The following IGSF10 variants were observed in gnomAD, a reference collection of about 807,000 sequenced individuals.
IGSF10 encodes the protein immunoglobulin superfamily member 10.
In IGSF10, 126 loss-of-function variants were observed where a neutral mutation model predicts 128.2. The observed-to-expected ratio is 0.98, with a 90% confidence interval of 0.85 to 1.14. IGSF10 has a LOEUF of 1.14. IGSF10 is among the 50% of genes most tolerant of loss of function. The probability of loss-of-function intolerance (pLI) is 0.00; values close to 1 mark genes in which losing one functional copy is unlikely to be tolerated. For missense variants in IGSF10, 3,295 were observed against 3,149.8 expected (o/e 1.05, Z -1.10); for synonymous variants, 1,185 against 1,146.2 (o/e 1.03, Z -0.68).
At chr3:151,498,242 G>C in the IGSF10 span, among the ~76,000 whole-genome samples, 1 of 152,146 alleles carries the variant, frequency 6.6e-6, no homozygotes, top group Admixed American at 6.6e-5. Context: ...GGGCATCCCT[G>C]TCTTGTGCCA....
the IGSF10 span, among the ~76,000 whole-genome samples, chr3:151,518,099 C>G: frequency 6.6e-6 from 1 of 151,956 alleles, no homozygotes. Flanking sequence ...AAGCTGCCTA[C>G]TTATATATTT....
the IGSF10 span, among the ~76,000 whole-genome samples, chr3:151,524,292 G>A: frequency 2.9e-3 from 441 of 152,142 alleles, 1 homozygote; most frequent in Non-Finnish European, 5.3e-3. Flanking sequence ...ATACCCAGAG[G>A]GATATAAATT....
intron 5 of IGSF10, among the ~76,000 whole-genome samples, 167 bp from the exon 6 acceptor site, chr3:151,449,432 T>G: frequency 6.6e-6 from 1 of 152,258 alleles, no homozygotes; most frequent in East Asian, 1.9e-4. Flanking sequence ...TAAAAAGCTA[T>G]GTCTGTATAC....
At chr3:151,543,641 G>T in the IGSF10 span, among the ~76,000 whole-genome samples, 6 of 152,158 alleles carry the variant, frequency 3.9e-5, no homozygotes, top group African/African-American at 1.4e-4. Flanking sequence ...AAGCCCCTGT[G>T]CACAGTGTCA....
At chr3:151,615,706 T>C in the IGSF10 span, among the ~76,000 whole-genome samples, 29 of 152,184 alleles carry the variant, frequency 1.9e-4, no homozygotes, top group African/African-American at 6.3e-4. Flanking sequence ...AGATAAAAAT[T>C]ATGAGCTTTA....
chr3:151,565,761 A>G, the IGSF10 span: 1 of 152,100 alleles, frequency 6.6e-6, no homozygotes, highest in Admixed American at 6.6e-5. Flanking sequence ...TTTGAGAAAC[A>G]CTGTTCTAGT....
chr3:151,457,644 AATC>A lies in IGSF10; in HGVS notation c.195-492_195-490del, dbSNP rs531076073. Among the ~76,000 whole-genome samples the A allele has an allele frequency of 3.4e-4, 51 of 152,236 alleles. 2 individuals are homozygous for A. In the South Asian group the frequency reaches 0.01, roughly 31 times the overall value. ...AGAGTAGTGGTACAACCCTGGGTAA[AATC>A]AGCAGGCTTTCTGTGCCTCAGTTTC... On this transcript the variant is annotated intron_variant, in intron 3 of 7. Coordinates refer to ENST00000282466, the MANE Select transcript of IGSF10 (RefSeq NM_178822.5).
Position 151,443,478 on chromosome 3 carries a change from G to T in IGSF10, c.5469C>A (p.Ser1823Arg), listed in dbSNP as rs368075943. The change falls in exon 7 of 8, where the codon AGC becomes AGA. Residue 1823 changes from serine (S) to arginine (R), a missense_variant. Transcript: ENST00000282466. ...GCAGTGAATCCTGGCCACCTGGGTT[G>T]CTGGCCACACATTTGTAAAAGCCAC... Reference protein sequence around the residue: ...YDRGFYKCVASNPGGQDSLLV... With the variant: ...YDRGFYKCVARNPGGQDSLLV... 24 of 1,614,106 alleles carry T rather than the reference G, an allele frequency of 1.5e-5. No homozygotes were observed. Among genetic ancestry groups the T allele is most frequent in the Middle Eastern group, 1.6e-4 (1 of 6,084 alleles).
the IGSF10 span, among the ~76,000 whole-genome samples, chr3:151,543,506 C>A: frequency 6.6e-6 from 1 of 152,076 alleles, no homozygotes; most frequent in Non-Finnish European, 1.5e-5. Flanking sequence ...TGTGCCATGC[C>A]GTGCCATGCC....
the IGSF10 span, among the ~76,000 whole-genome samples, chr3:151,572,086 G>T: frequency 1.3e-5 from 2 of 152,208 alleles, no homozygotes; most frequent in African/African-American, 4.8e-5. Flanking sequence ...GATCGTGGTG[G>T]ATAAGCCTTT....
At chr3:151,596,136 G>T in the IGSF10 span, among the ~76,000 whole-genome samples, 1 of 152,086 alleles carries the variant, frequency 6.6e-6, no homozygotes, top group Non-Finnish European at 1.5e-5. Flanking sequence ...CATATGAATG[G>T]TTCAATGGGC....
the IGSF10 span, among the ~76,000 whole-genome samples, chr3:151,613,605 G>A: frequency 1.5e-4 from 23 of 151,828 alleles, no homozygotes; most frequent in African/African-American, 5.5e-4. Context: ...ATGGTGCTGG[G>A]AAAACTGGCT....
upstream of IGSF10, among the ~76,000 whole-genome samples, chr3:151,463,968 A>G (rs990402828): frequency 3.3e-5 from 5 of 152,230 alleles, no homozygotes; most frequent in Non-Finnish European, 7.3e-5. Context: ...ATAGATTCAT[A>G]TGGTTTACAA....
chr3:151,445,115 ATCAAAG>A lies in IGSF10; in HGVS notation c.4860_4865del (p.Phe1621_Asp1622del). ...TTGTTGCTTCTTGAACTGGTTTCTT[ATCAAAG>A]TCACTCTTCTTTGTGTTCTTCTGTC... On this transcript the variant is annotated inframe_deletion, in exon 6 of 8. Coordinates refer to ENST00000282466, the MANE Select transcript of IGSF10 (RefSeq NM_178822.5). 1 of 1,614,154 alleles carries A rather than the reference ATCAAAG, an allele frequency of 6.2e-7. No individual in the cohort carries two copies. The highest frequency in any genetic ancestry group is 8.5e-7 in the Non-Finnish European group (1 of 1,180,020).
the IGSF10 span, among the ~76,000 whole-genome samples, chr3:151,540,878 G>A: frequency 2.6e-5 from 4 of 152,208 alleles, no homozygotes; most frequent in Admixed American, 2.0e-4. Flanking sequence ...CAGAGCCACA[G>A]TGGAGATCCA....
At chr3:151,487,106 A>G in the IGSF10 span, among the ~76,000 whole-genome samples, 2 of 152,192 alleles carry the variant, frequency 1.3e-5, no homozygotes, top group African/African-American at 4.8e-5. Flanking sequence ...AGAAGAAAGG[A>G]AAGAAGAATC....
the IGSF10 span, among the ~76,000 whole-genome samples, chr3:151,486,060 C>A: frequency 6.6e-6 from 1 of 152,210 alleles, no homozygotes; most frequent in South Asian, 2.1e-4. Flanking sequence ...AGACCCATCT[C>A]ACGTGCAAAG....
chr3:151,434,282 C>T (rs1719848197), downstream of IGSF10: 1 of 152,080 alleles, frequency 6.6e-6, no homozygotes, highest in Admixed American at 6.6e-5. Flanking sequence ...AAATCATTAT[C>T]TATAAATAAT....
At chr3:151,444,126 T>C (rs986887442) in intron 6 of IGSF10, among the ~76,000 whole-genome samples, 1 of 151,776 alleles carries the variant, frequency 6.6e-6, no homozygotes, top group East Asian at 1.9e-4. Flanking sequence ...AAAAATAAAA[T>C]ATTAGCTAGG....
Sources: gnomAD v4.1 joint callset for allele counts (sites outside exome capture counted in the v4.1 genomes callset) on GRCh38, gnomAD v4.1.1 for gene constraint, MANE v1.5 for transcripts, NCBI Gene and HGNC (gene_info 2026-07-23, HGNC 2026-07-21) for gene names.